PKHD1L1: variants seen among roughly 807,000 people sequenced by gnomAD.
PKHD1L1 encodes PKHD1 like 1, also known as fibrocystin-L.
A neutral mutation model predicts 462.9 loss-of-function variants in PKHD1L1; 434 were observed. The observed-to-expected ratio is 0.94, with a 90% CI of 0.87 to 1.02. The LOEUF is 1.02. Among genes scored for constraint, PKHD1L1 ranks in the 50% least tolerant of loss-of-function variants. PKHD1L1 has a pLI of 0.00. For synonymous variants in PKHD1L1, 1,781 were observed against 1,750.0 expected, an observed-to-expected ratio of 1.02 and a Z score of -0.44; for missense variants, 5,202 against 5,096.1, an observed-to-expected ratio of 1.02 and a Z score of -0.63.
In PKHD1L1 at chr8:109,534,980, G is replaced by GT. The variant is rs1209115396; in HGVS notation, c.*4891dup. Among the ~76,000 whole-genome samples the GT allele has an allele frequency of 6.6e-6, 1 of 151,976 alleles. No homozygotes were observed. Among genetic ancestry groups the GT allele is most frequent in the Non-Finnish European group, 1.5e-5 (1 of 67,994 alleles). The stretch of plus-strand genomic sequence containing the variant: ...GTGCTTAGCACACACTCTGCCCATG[G>GT]TAAGTGTTAAATAAACTTTCTGATA... On this transcript the variant is annotated 3_prime_UTR_variant, in exon 78 of 78. Transcript: ENST00000378402.
chr8:109,480,223 A>G, intron 55 of PKHD1L1, 84 bp downstream of exon 55: 3 of 1,404,498 alleles, frequency 2.1e-6, no homozygotes, highest in Non-Finnish European at 2.9e-6. Flanking sequence ...AAAGAAGCAT[A>G]TTCAATTGGT....
chr8:109,372,265 A>G (rs1413720776), intron 2 of PKHD1L1, among the ~76,000 whole-genome samples: 1 of 152,202 alleles, frequency 6.6e-6, no homozygotes, highest in Non-Finnish European at 1.5e-5. Context: ...TCTTTGAAGC[A>G]ATTGTGAATG....
chr8:109,460,501 C>G (rs1817061838), intron 47 of PKHD1L1, among the ~76,000 whole-genome samples: 1 of 152,246 alleles, frequency 6.6e-6, no homozygotes, highest in African/African-American at 2.4e-5. Context: ...AAAGTCAGCT[C>G]TGTTGGTATT....
At chr8:109,426,954 G>C (rs765636815) in intron 24 of PKHD1L1, 48 bp from the exon 25 acceptor site, 2 of 1,079,298 alleles carry the variant, frequency 1.9e-6, no homozygotes, top group Admixed American at 3.4e-5. Context: ...CATCCGGCCC[G>C]TTTGTGAATT....
intron 2 of PKHD1L1, among the ~76,000 whole-genome samples, chr8:109,367,945 T>C (rs567799761): frequency 1.2e-4 from 18 of 152,134 alleles, no homozygotes; most frequent in East Asian, 5.8e-4. Context: ...TCAGGAGATA[T>C]AGATACATGA....
At position 109,533,204 on chromosome 8, in the gene PKHD1L1, ACC is replaced by A. The variant is rs1275872072; in HGVS notation, c.*3115_*3116del. Among the ~76,000 whole-genome samples the A allele has an allele frequency of 1.3e-5, 2 of 152,204 alleles. No homozygotes were observed. Among genetic ancestry groups the A allele is most frequent in the African/African-American group, 2.4e-5 (1 of 41,448 alleles). On this transcript the variant is annotated 3_prime_UTR_variant, in exon 78 of 78. Coordinates refer to ENST00000378402, the MANE Select transcript of PKHD1L1 (RefSeq NM_177531.6). ...TGTTCAAATTCTTGGTTTCTACTTTACCACTTCTATGCCCTCAGGCAAGTTCT... is the reference window on the plus strand; with the variant it reads ...TGTTCAAATTCTTGGTTTCTACTTTAACTTCTATGCCCTCAGGCAAGTTCT...
chr8:109,383,162 TATAATATATACA>T (rs1812229042), intron 4 of PKHD1L1, among the ~76,000 whole-genome samples: 1 of 108,482 alleles, frequency 9.2e-6, no homozygotes, highest in East Asian at 2.3e-4. Flanking sequence ...TATATTTATA[TATAATATATACA>T]ATAATATATA....
At chr8:109,434,388 A>AAG (rs1010063480) in intron 28 of PKHD1L1, among the ~76,000 whole-genome samples, 1 of 152,048 alleles carries the variant, frequency 6.6e-6, no homozygotes, top group African/African-American at 2.4e-5. Flanking sequence ...TCAAAAAAAA[A>AAG]AAAAGTAAGA....
rs10505133 is a variant in PKHD1L1 at position 109,532,848 on chromosome 8, T to A, written c.*2758T>A. On this transcript the variant is annotated 3_prime_UTR_variant, in exon 78 of 78. Transcript: ENST00000378402. ...ATCCCCAAAAGTGCTATTTAAAATA[T>A]CCCTAGCACTAATAATAACAATAAT... Among the ~76,000 whole-genome samples the A allele has an allele frequency of 2.4e-4, 37 of 152,016 alleles. No homozygotes were observed. Among genetic ancestry groups the A allele is most frequent in the African/African-American group, 7.7e-4 (32 of 41,336 alleles).
In PKHD1L1 at chr8:109,410,726, C is replaced by CTTTTTTTTTTTTTTTTTTTT. The variant is rs71303459; in HGVS notation, c.2085+750_2085+769dup. On this transcript the variant is annotated intron_variant, in intron 19 of 77. Transcript: ENST00000378402. ...TTCTTTTTTCTTTTCTTTTCTTTTT[C>CTTTTTTTTTTTTTTTTTTTT]TTTTTTTTTTTTTTTTTTTTTGAGA... Among the ~76,000 whole-genome samples the CTTTTTTTTTTTTTTTTTTTT allele has an allele frequency of 1.1e-3, 77 of 68,388 alleles. 13 individuals are homozygous for CTTTTTTTTTTTTTTTTTTTT. The highest frequency in any genetic ancestry group is 5.2e-3 in the African/African-American group (64 of 12,264). 44.9% of individuals were successfully genotyped at this position (68,388 alleles called of 152,430 possible).
At chr8:109,415,991 T>G (rs1814149406) in intron 21 of PKHD1L1, among the ~76,000 whole-genome samples, 1 of 151,886 alleles carries the variant, frequency 6.6e-6, no homozygotes, top group Admixed American at 6.6e-5. Context: ...CCTGAGCATA[T>G]GGACCTAATT....
At chr8:109,417,697 G>C (rs777383631) in intron 21 of PKHD1L1, among the ~76,000 whole-genome samples, 2 of 151,944 alleles carry the variant, frequency 1.3e-5, no homozygotes, top group Non-Finnish European at 2.9e-5. Flanking sequence ...TTACAGGCGC[G>C]TGCCACCCCG....
intron 46 of PKHD1L1, among the ~76,000 whole-genome samples, chr8:109,459,115 T>C (rs1438238371): frequency 1.3e-5 from 2 of 152,118 alleles, no homozygotes; most frequent in African/African-American, 4.8e-5. Flanking sequence ...GACTGAAATT[T>C]TGGACCAGAT....
Position 109,461,845 on chromosome 8 carries a change from C to A in PKHD1L1, c.7320C>A (p.Cys2440Ter), listed in dbSNP as rs149284269. Residue 2440 changes from cysteine (C) to a stop codon, truncating the protein, a stop_gained, in exon 48 of 78, where the codon TGC (cysteine) becomes TGA (stop). Transcript: ENST00000378402. LOFTEE classifies it high-confidence loss of function. ...TAGGAAGTGACCAATTTGGAGGCTG[C>A]GTTATGTTTCATGCTCCTGTACCTG... ...EEIGSDQFGG[C>*]VMFHAPVPGA... is the part of the protein sequence containing the mutation. 1.2e-6 allele frequency: 2 copies of A among 1,606,118 alleles called. No individual in the cohort carries two copies. Among genetic ancestry groups the A allele is most frequent in the East Asian group, 2.2e-5 (1 of 44,688 alleles).
intron 71 of PKHD1L1, among the ~76,000 whole-genome samples, chr8:109,511,398 T>C (rs562144936): frequency 7.6e-5 from 10 of 132,362 alleles, no homozygotes; most frequent in African/African-American, 2.6e-4. Flanking sequence ...CCTGTGTCCA[T>C]GTGTTCTCAT....
chr8:109,402,641 C>T (rs1056819569), intron 14 of PKHD1L1, among the ~76,000 whole-genome samples: 2 of 152,132 alleles, frequency 1.3e-5, no homozygotes, highest in African/African-American at 4.8e-5. Context: ...TCCCATTGCC[C>T]AAAGCAAGTG....
chr8:109,497,047 G>C lies in PKHD1L1; in HGVS notation c.10456G>C (p.Asp3486His), dbSNP rs775618402. Reference sequence around the variant, plus strand: ...AGGATTTACCATTTGGACATGCTGGGATTATGGAATTTATTTTCAGGTAAT... The same window carrying C: ...AGGATTTACCATTTGGACATGCTGGCATTATGGAATTTATTTTCAGGTAAT... ...IQGFTIWTCW[D>H]YGIYFQTTES... is the part of the protein sequence containing the mutation. Residue 3486 changes from aspartate to histidine, a missense_variant, in exon 64 of 78, where the codon GAT (aspartate) becomes CAT (histidine). Physicochemically the swap from Asp to His is moderately conservative, Grantham distance 81. Coordinates refer to ENST00000378402, the MANE Select transcript of PKHD1L1 (RefSeq NM_177531.6). 3.1e-6 allele frequency: 5 copies of C among 1,613,300 alleles called. No homozygotes were observed. The highest frequency in any genetic ancestry group is 1.3e-5 in the African/African-American group (1 of 74,884).
chr8:109,364,532 T>C lies in PKHD1L1; in HGVS notation c.74-15T>C. 6.5e-7 allele frequency: 1 copy of C among 1,537,208 alleles called. No individual in the cohort carries two copies. The highest frequency in any genetic ancestry group is 8.9e-7 in the Non-Finnish European group (1 of 1,120,846). ...TTGGTGATTTTTACCTCTACTGTAT[T>C]TTAATATTTTTCAGATGGCTCTCAA... On this transcript the variant is annotated splice_polypyrimidine_tract_variant and intron_variant, in intron 1 of 77. Transcript: ENST00000378402.
chr8:109,366,619 T>A (rs971193125), intron 2 of PKHD1L1, among the ~76,000 whole-genome samples: 23 of 152,078 alleles, frequency 1.5e-4, no homozygotes, highest in Admixed American at 3.3e-4. Context: ...ATCAAAAAAA[T>A]TTTTTAATAA....
Sources: allele counts gnomAD v4.1 joint callset (sites outside exome capture counted in the v4.1 genomes callset), GRCh38; gene constraint gnomAD v4.1.1; transcripts MANE v1.5; gene names NCBI Gene and HGNC (gene_info 2026-07-23, HGNC 2026-07-21).